WDR31: variants seen among roughly 807,000 people sequenced by gnomAD.
WDR31 encodes the protein WD repeat domain 31.
In WDR31, 30 loss-of-function variants were observed where a neutral mutation model predicts 47.3. The observed-to-expected ratio is 0.63, with a 90% confidence interval of 0.47 to 0.86. The LOEUF is 0.86. WDR31 is among the 40% of genes least tolerant of loss of function. The probability of loss-of-function intolerance (pLI) is 0.00; values close to 1 mark genes in which losing one functional copy is unlikely to be tolerated. For synonymous variants in WDR31, 137 were observed against 159.4 expected (o/e 0.86, Z 1.06); for missense variants, 406 against 442.9 (o/e 0.92, Z 0.75).
chr9:113,334,647 C>G lies in WDR31; in HGVS notation c.-29+1641G>C, dbSNP rs1833678235. ...CTCCGTCTCCTGGGTTCAAGCGATT[C>G]TCCTGTCTCAGCCTCCAGAGTAGCT... On this transcript the variant is annotated intron_variant, in intron 2 of 10. Transcript: ENST00000374193. 2.0e-5 allele frequency among the ~76,000 whole-genome samples: 3 copies of G among 147,646 alleles called. No individual in the cohort carries two copies. In the South Asian group the frequency reaches 6.5e-4, roughly 32 times the overall value.
chr9:113,330,328 T>A (rs1833569496), intron 4 of WDR31, among the ~76,000 whole-genome samples: 1 of 152,198 alleles, frequency 6.6e-6, no homozygotes, highest in Non-Finnish European at 1.5e-5. Context: ...CTTTAGCTCC[T>A]GTCCTCAAGT....
intron 7 of WDR31, 96 bp downstream of exon 7, chr9:113,322,715 T>C (rs777279452): frequency 7.8e-7 from 1 of 1,279,124 alleles, no homozygotes; most frequent in Non-Finnish European, 1.1e-6. Flanking sequence ...CAGGCTCTAA[T>C]TTCTGCTCAT....
rs760110162 is a variant in WDR31, at chr9:113,331,905, A to G, written c.116+2T>C. The G allele has an allele frequency of 1.9e-6, 3 of 1,613,076 alleles. No homozygotes were observed. The highest frequency in any genetic ancestry group is 2.5e-6 in the Non-Finnish European group (3 of 1,179,292). ...TGGGCTCCCAGGGGAGGATTGCAGT[A>G]CCCGTATTTATAAGTGCTGTGTTTG... On this transcript the variant is annotated splice_donor_variant, in intron 3 of 10. Coordinates refer to ENST00000374193, the MANE Select transcript of WDR31 (RefSeq NM_001012361.4). LOFTEE classifies it high-confidence loss of function.
chr9:113,339,539 C>T (rs1833784891), intron 1 of WDR31, among the ~76,000 whole-genome samples: 1 of 152,146 alleles, frequency 6.6e-6, no homozygotes, highest in Non-Finnish European at 1.5e-5. Flanking sequence ...TCTAATGGTA[C>T]AGATAGGGGA....
rs201452619 is a variant in WDR31 at position 113,321,564 on chromosome 9, G to A, written c.585C>T (p.Cys195=). ...GTATGTATGGTTCTCTGGGGACCCAGCACAGGTGAGTGACCTAGAAAAAGC... is the reference window on the plus strand; with the variant it reads ...GTATGTATGGTTCTCTGGGGACCCAACACAGGTGAGTGACCTAGAAAAAGC... ...SVSRNVVTHL[C]WVPREPYILQ... Residue 195 remains cysteine (C), a synonymous_variant, in exon 8 of 11, where the codon TGC becomes TGT. Coordinates refer to ENST00000374193, the MANE Select transcript of WDR31 (RefSeq NM_001012361.4). 36 of 1,614,082 alleles carry A rather than the reference G, an allele frequency of 2.2e-5. No homozygotes were observed. The South Asian group carries it at 3.7e-4, about 17-fold the overall frequency.
intron 2 of WDR31, among the ~76,000 whole-genome samples, chr9:113,334,440 G>T (rs1478841941): frequency 1.3e-5 from 2 of 152,054 alleles, no homozygotes; most frequent in African/African-American, 4.8e-5. Context: ...TTCATAAAAT[G>T]ATGTTTTATG....
intron 5 of WDR31, among the ~76,000 whole-genome samples, chr9:113,323,577 C>G (rs1833381627): frequency 6.6e-6 from 1 of 152,210 alleles, no homozygotes; most frequent in African/African-American, 2.4e-5. Context: ...ACACACTTCT[C>G]AAAAGAGTAA....
chr9:113,320,550 C>T, intron 8 of WDR31, 52 bp from the exon 9 acceptor site: 1 of 1,591,026 alleles, frequency 6.3e-7, no homozygotes, highest in Non-Finnish European at 8.6e-7. Flanking sequence ...GGCTGAAATA[C>T]ACCCGTATTG....
Position 113,332,007 on chromosome 9 carries a change from A to G in WDR31, c.16T>C (p.Cys6Arg), listed in dbSNP as rs763570905. MLLLR[C>R]QLKQAPPQKV... ...TGTGGAGGAGCTTGTTTCAGTTGGC[A>G]CCTGAGTAGCAGCATCCCTTGTGGC... Residue 6 changes from cysteine (C) to arginine (R), a missense_variant, in exon 3 of 11, where the codon TGC becomes CGC. Physicochemically the swap from Cys to Arg is radical, Grantham distance 180. Transcript: ENST00000374193. 9 of 1,613,836 alleles carry G rather than the reference A, an allele frequency of 5.6e-6. No homozygotes were observed. Among genetic ancestry groups the G allele is most frequent in the Non-Finnish European group, 7.6e-6 (9 of 1,179,868 alleles).
rs753384392 is a variant in WDR31, at chr9:113,332,008, C to T, written c.15G>A (p.Arg5=). The change falls in exon 3 of 11, where the codon AGG becomes AGA. Residue 5 remains arginine (R), a synonymous_variant. Coordinates refer to ENST00000374193, the MANE Select transcript of WDR31 (RefSeq NM_001012361.4). MLLL[R]CQLKQAPPQK... ...GTGGAGGAGCTTGTTTCAGTTGGCACCTGAGTAGCAGCATCCCTTGTGGCT... is the reference window on the plus strand; with the variant it reads ...GTGGAGGAGCTTGTTTCAGTTGGCATCTGAGTAGCAGCATCCCTTGTGGCT... 3 of 1,613,870 alleles carry T rather than the reference C, an allele frequency of 1.9e-6. No individual in the cohort carries two copies. The highest frequency in any genetic ancestry group is 1.3e-5 in the African/African-American group (1 of 75,020).
chr9:113,333,081 A>G (rs1255683060), intron 2 of WDR31, among the ~76,000 whole-genome samples: 3 of 152,084 alleles, frequency 2.0e-5, no homozygotes, highest in Non-Finnish European at 4.4e-5. Flanking sequence ...TTTATAAACT[A>G]CTTAGCCTCA....
chr9:113,318,064 T>C (rs1414920468), intron 10 of WDR31, among the ~76,000 whole-genome samples: 1 of 152,222 alleles, frequency 6.6e-6, no homozygotes, highest in African/African-American at 2.4e-5. Context: ...GTTCTTAAAC[T>C]TCAGCTACAG....
intron 2 of WDR31, among the ~76,000 whole-genome samples, chr9:113,335,009 AAAG>A (rs1440294819): frequency 6.6e-6 from 1 of 152,172 alleles, no homozygotes; most frequent in African/African-American, 2.4e-5. Context: ...TGAGGAGTGA[AAAG>A]AAGTTCTGAG....
At chr9:113,318,832 T>C (rs1327441289) in intron 9 of WDR31, among the ~76,000 whole-genome samples, 195 bp from the exon 10 acceptor site, 2 of 152,208 alleles carry the variant, frequency 1.3e-5, no homozygotes, top group African/African-American at 2.4e-5. Context: ...CCAGTGATTA[T>C]TTTAAGCCTC....
At chr9:113,321,063 G>T (rs1300656192) in intron 8 of WDR31, among the ~76,000 whole-genome samples, 1 of 152,180 alleles carries the variant, frequency 6.6e-6, no homozygotes, top group Non-Finnish European at 1.5e-5. Context: ...TCCGGTCTAA[G>T]AACTATTGGC....
chr9:113,337,932 A>G (rs751328358), intron 1 of WDR31, among the ~76,000 whole-genome samples: 1 of 152,244 alleles, frequency 6.6e-6, no homozygotes, highest in Non-Finnish European at 1.5e-5. Context: ...AAAGTGAGGC[A>G]CAGAGATATC....
At chr9:113,338,914 G>A (rs1477174926) in intron 1 of WDR31, among the ~76,000 whole-genome samples, 2 of 152,118 alleles carry the variant, frequency 1.3e-5, no homozygotes, top group Non-Finnish European at 2.9e-5. Flanking sequence ...CACCGTGCCC[G>A]GCCCAGTGGT....
intron 5 of WDR31, 130 bp downstream of exon 5, chr9:113,328,751 T>G (rs942963483): frequency 4.6e-5 from 35 of 758,202 alleles, no homozygotes; most frequent in Non-Finnish European, 7.6e-5. Context: ...TGAAGTAGGA[T>G]TTCACAGCAT....
intron 5 of WDR31, among the ~76,000 whole-genome samples, chr9:113,324,678 C>G (rs1452856048): frequency 6.6e-6 from 1 of 152,096 alleles, no homozygotes; most frequent in Non-Finnish European, 1.5e-5. Flanking sequence ...GCACGAGCCA[C>G]TGTGCTTGGC....
Sources: gnomAD v4.1 joint callset for allele counts (sites outside exome capture counted in the v4.1 genomes callset) on GRCh38, gnomAD v4.1.1 for gene constraint, MANE v1.5 for transcripts, NCBI Gene and HGNC (gene_info 2026-07-23, HGNC 2026-07-21) for gene names.